The following KPNA7 variants were observed in gnomAD, a reference collection of about 807,000 sequenced individuals.
KPNA7 encodes the protein karyopherin subunit alpha 7.
Under a neutral mutation model 53.7 loss-of-function variants are expected in KPNA7, and 54 were observed. The ratio of observed to expected loss-of-function variants is 1.01; its 90% CI spans 0.81 to 1.26. KPNA7 has a LOEUF of 1.26. Ranked by LOEUF, KPNA7 falls within the 50% of genes most tolerant of loss-of-function variation. The probability of loss-of-function intolerance (pLI) is 0.00; values close to 1 mark genes in which losing one functional copy is unlikely to be tolerated. For missense variants in KPNA7, 640 were observed against 644.5 expected, an observed-to-expected ratio of 0.99 and a Z score of 0.07; for synonymous variants, 276 against 259.3, an observed-to-expected ratio of 1.06 and a Z score of -0.62.
Position 99,182,029 on chromosome 7 carries a change from C to T in KPNA7, c.1171G>A (p.Val391Met). 1 of 1,545,854 alleles carries T rather than the reference C, an allele frequency of 6.5e-7. No homozygotes were observed. The highest frequency in any genetic ancestry group is 8.8e-7 in the Non-Finnish European group (1 of 1,142,446). Reference protein sequence around the residue: ...FKVQKEAVWMVANFATGATMD... With the variant: ...FKVQKEAVWMMANFATGATMD... The stretch of plus-strand genomic sequence containing the variant: ...GTGGCCCCTGTTGCAAAGTTCGCCA[C>T]CATCCAGACAGCCTCTTTCTGGACT... Residue 391 changes from valine to methionine, a missense_variant, in exon 9 of 11, where the codon GTG (valine) becomes ATG (methionine). Physicochemically the swap from Val to Met is conservative, Grantham distance 21. Coordinates refer to ENST00000327442, the MANE Select transcript of KPNA7 (RefSeq NM_001145715.3).
the KPNA7 span, among the ~76,000 whole-genome samples, chr7:99,146,019 A>C: frequency 7.9e-5 from 12 of 152,192 alleles, no homozygotes; most frequent in Non-Finnish European, 1.0e-4. Context: ...TGTCACAGAG[A>C]GTGAATGCCT....
intron 8 of KPNA7, among the ~76,000 whole-genome samples, chr7:99,183,223 G>A (rs1789371402): frequency 6.6e-6 from 1 of 152,222 alleles, no homozygotes; most frequent in South Asian, 2.1e-4. Context: ...CTGCACTCCA[G>A]TCTGGGTGAC....
the KPNA7 span, among the ~76,000 whole-genome samples, chr7:99,167,886 C>A: frequency 5.9e-4 from 90 of 152,172 alleles, no homozygotes; most frequent in Non-Finnish European, 2.1e-4. Context: ...ACTGATTCTA[C>A]ATGATGGTGA....
Position 99,195,138 on chromosome 7 carries a change from A to G in KPNA7, c.485T>C (p.Ile162Thr), listed in dbSNP as rs1228191878. The change falls in exon 5 of 11, where the codon ATT (isoleucine) becomes ACT (threonine). Residue 162 changes from isoleucine (I) to threonine (T), a missense_variant. By Grantham distance (89) the Ile-to-Thr change is moderately conservative. Coordinates refer to ENST00000327442, the MANE Select transcript of KPNA7 (RefSeq NM_001145715.3). Reference protein sequence around the residue: ...VVEGGAIQPLIELLSSSNVAV... With the variant: ...VVEGGAIQPLTELLSSSNVAV... ...CACGTTGGAGGAAGACAGGAGCTCA[A>G]TCAAGGGCTGGATGGCTCCCCCTTC... 98 of 1,551,496 alleles carry G rather than the reference A, an allele frequency of 6.3e-5. 1 individual carries two copies. The highest frequency in any genetic ancestry group is 8.2e-5 in the African/African-American group (6 of 72,990).
At chr7:99,175,484 GCTTT>G (rs1289436974) in intron 10 of KPNA7, among the ~76,000 whole-genome samples, 2 of 126,058 alleles carry the variant, frequency 1.6e-5, no homozygotes, top group Non-Finnish European at 3.3e-5. Flanking sequence ...TGGCTTGAGA[GCTTT>G]ATTTATTTAT....
At chr7:99,213,215 C>A (rs1394464006) in intron 1 of KPNA7, among the ~76,000 whole-genome samples, 1 of 151,402 alleles carries the variant, frequency 6.6e-6, no homozygotes, top group Non-Finnish European at 1.5e-5. Flanking sequence ...CAACCTCCGC[C>A]TCCCGGGTTC....
chr7:99,188,131 T>A (rs1284379084), intron 7 of KPNA7, among the ~76,000 whole-genome samples, 169 bp downstream of exon 7: 1 of 127,202 alleles, frequency 7.9e-6, no homozygotes, highest in Non-Finnish European at 1.6e-5. Flanking sequence ...GCTGAGATTG[T>A]GCCACTGCAT....
At chr7:99,175,528 A>AT (rs1052610868) in intron 10 of KPNA7, among the ~76,000 whole-genome samples, 4 of 148,460 alleles carry the variant, frequency 2.7e-5, no homozygotes, top group African/African-American at 1.0e-4. Context: ...TTTATTATTT[A>AT]TTTTGGAGAT....
chr7:99,157,908 G>C, the KPNA7 span, among the ~76,000 whole-genome samples: 2 of 152,128 alleles, frequency 1.3e-5, no homozygotes, highest in Admixed American at 1.3e-4. Context: ...CTGAGTAGCT[G>C]AGACTACAGG....
chr7:99,187,821 A>C (rs138080647), intron 7 of KPNA7, among the ~76,000 whole-genome samples: 3 of 135,466 alleles, frequency 2.2e-5, no homozygotes, highest in Non-Finnish European at 4.7e-5. Context: ...AAAAAAAAAA[A>C]AAAAAAAAAA....
In KPNA7 at chr7:99,188,493, T is replaced by A. The variant is rs1222222998; in HGVS notation, c.707A>T (p.Asp236Val). 4 of 1,551,698 alleles carry A rather than the reference T, an allele frequency of 2.6e-6. No individual in the cohort carries two copies. Among genetic ancestry groups the A allele is most frequent in the Admixed American group, 3.9e-5 (2 of 50,976 alleles). Reference protein sequence around the residue: ...LCRNKNPYPCDTAVKQILPAL... With the variant: ...LCRNKNPYPCVTAVKQILPAL... ...CGGCAGTATCTGCTTCACCGCAGTG[T>A]CGCAAGGGTATGGGTTCTTGTTTCG... Residue 236 changes from aspartate to valine, a missense_variant, in exon 7 of 11, where the codon GAC becomes GTC. Coordinates refer to ENST00000327442, the MANE Select transcript of KPNA7 (RefSeq NM_001145715.3).
At chr7:99,203,295 T>C (rs1790644569) in intron 2 of KPNA7, 55 bp from the exon 3 acceptor site, 1 of 1,524,854 alleles carries the variant, frequency 6.6e-7, no homozygotes. Context: ...ATGTCACATT[T>C]AGTCTGTCAA....
chr7:99,180,767 G>GTGTCTCTCTCTCTCTCCCCGTC (rs1799167030), intron 9 of KPNA7, among the ~76,000 whole-genome samples: 5 of 54,492 alleles, frequency 9.2e-5, no homozygotes, highest in Non-Finnish European at 7.3e-5. Context: ...CTCCCCGTCT[G>GTGTCTCTCTCTCTCTCCCCGTC]TGTCTCTCTC....
At chr7:99,183,092 T>C (rs6944592) in intron 8 of KPNA7, among the ~76,000 whole-genome samples, 151,917 of 152,194 alleles carry the variant, frequency 1, 75,822 homozygotes, top group Middle Eastern at 1. Context: ...CCTGTCTCTA[T>C]TAAAATACAA....
At chr7:99,182,152 G>A in intron 8 of KPNA7, 87 bp from the exon 9 acceptor site, 1 of 1,043,678 alleles carries the variant, frequency 9.6e-7, no homozygotes. Flanking sequence ...TAGGGAGGCT[G>A]GTGACAGCCA....
chr7:99,161,261 CT>C, the KPNA7 span, among the ~76,000 whole-genome samples: 2 of 69,826 alleles, frequency 2.9e-5, no homozygotes, highest in African/African-American at 9.9e-5. Flanking sequence ...CTCTCTCTCT[CT>C]CTCTCTCTGA....
At chr7:99,169,081 G>T (rs921674504), downstream of KPNA7, among the ~76,000 whole-genome samples, 1 of 152,022 alleles carries the variant, frequency 6.6e-6, no homozygotes, top group Non-Finnish European at 1.5e-5. Context: ...CTAGCTACCC[G>T]GGAGGCGGCG....
chr7:99,210,350 G>A (rs1164879027), upstream of KPNA7, among the ~76,000 whole-genome samples: 2 of 152,090 alleles, frequency 1.3e-5, no homozygotes, highest in South Asian at 2.1e-4. Context: ...TTTAACCACT[G>A]CCTGATATTT....
intron 6 of KPNA7, among the ~76,000 whole-genome samples, chr7:99,190,896 C>CA (rs1789914474): frequency 6.6e-6 from 1 of 152,034 alleles, no homozygotes; most frequent in African/African-American, 2.4e-5. Context: ...GGCTGGGTGA[C>CA]ATATACACAT....
Sources: gnomAD v4.1 joint callset for allele counts (sites outside exome capture counted in the v4.1 genomes callset) on GRCh38, gnomAD v4.1.1 for gene constraint, MANE v1.5 for transcripts, NCBI Gene and HGNC (gene_info 2026-07-23, HGNC 2026-07-21) for gene names.